ASIC2: variants seen among roughly 807,000 people sequenced by gnomAD.
ASIC2 encodes the protein acid-sensing ion channel 2.
ASIC2 carries 25 observed loss-of-function variants against 57.3 expected under a neutral mutation model. That is an observed-to-expected ratio of 0.44 (90% CI 0.32 to 0.61). The LOEUF is 0.61. Ranked by LOEUF, ASIC2 falls within the 20% of genes least tolerant of loss-of-function variation. ASIC2 has a pLI of 0.06. For synonymous variants in ASIC2, 319 were observed against 307.5 expected (o/e 1.04, Z -0.39); for missense variants, 641 against 738.1 (o/e 0.87, Z 1.52).
chr17:33,829,715 C>T (rs1913047475), intron 1 of ASIC2, among the ~76,000 whole-genome samples: 1 of 151,848 alleles, frequency 6.6e-6, no homozygotes. Context: ...GGATTACAGG[C>T]CACTGTGCCT....
At chr17:33,823,138 A>C (rs1163526964) in intron 1 of ASIC2, among the ~76,000 whole-genome samples, 1 of 152,160 alleles carries the variant, frequency 6.6e-6, no homozygotes, top group African/African-American at 2.4e-5. Flanking sequence ...CACCCTGTTC[A>C]GTAGTGGGGG....
intron 1 of ASIC2, among the ~76,000 whole-genome samples, chr17:33,977,176 C>T (rs565966992): frequency 6.6e-6 from 1 of 151,936 alleles, no homozygotes; most frequent in South Asian, 2.1e-4. Flanking sequence ...TCGTCAATTC[C>T]ACCGGGGGCA....
chr17:33,124,430 A>G (rs2092315601), intron 1 of ASIC2, among the ~76,000 whole-genome samples: 1 of 152,228 alleles, frequency 6.6e-6, no homozygotes, highest in Non-Finnish European at 1.5e-5. Flanking sequence ...ATTGATCACA[A>G]TGCTCTTTCC....
intron 1 of ASIC2, chr17:33,291,179 A>C: frequency 1.2e-6 from 1 of 865,974 alleles, no homozygotes; most frequent in Non-Finnish European, 1.6e-6. Flanking sequence ...AGGGGCTGGG[A>C]CAGGGGAGCT....
chr17:33,859,550 C>T (rs1914051533), intron 1 of ASIC2, among the ~76,000 whole-genome samples: 2 of 152,132 alleles, frequency 1.3e-5, no homozygotes, highest in Admixed American at 1.3e-4. Flanking sequence ...AGTGAGATCC[C>T]TGTTGGCTGG....
chr17:33,610,054 G>GCGCGCGCACACACACACACA (rs375575593), intron 1 of ASIC2, among the ~76,000 whole-genome samples: 2 of 144,734 alleles, frequency 1.4e-5, no homozygotes, highest in African/African-American at 5.2e-5. Flanking sequence ...GGACAGAGGC[G>GCGCGCGCACACACACACACA]CACACACACA....
chr17:33,684,837 C>T (rs1908130426), intron 1 of ASIC2, among the ~76,000 whole-genome samples: 2 of 151,882 alleles, frequency 1.3e-5, no homozygotes, highest in African/African-American at 4.8e-5. Context: ...CAAATTGGTC[C>T]CAGTCAAGAG....
Position 34,123,903 on chromosome 17 carries a change from C to T in ASIC2, c.555+32075G>A, listed in dbSNP as rs146727839. Reference sequence around the variant, plus strand: ...TTCAAGACTAGCCTGGGCAACATGGCGAAACCCCATCTCTACAAAAATACA... The same window carrying T: ...TTCAAGACTAGCCTGGGCAACATGGTGAAACCCCATCTCTACAAAAATACA... On this transcript the variant is annotated intron_variant, in intron 1 of 9. Coordinates refer to the ASIC2 transcript ENST00000359872. 9.1e-4 allele frequency among the ~76,000 whole-genome samples: 138 copies of T among 152,088 alleles called. 4 individuals are homozygous for T. Among genetic ancestry groups the T allele is most frequent in the African/African-American group, 3.2e-3 (134 of 41,494 alleles).
intron 1 of ASIC2, among the ~76,000 whole-genome samples, chr17:33,121,453 A>C (rs759892869): frequency 6.6e-6 from 1 of 151,986 alleles, no homozygotes; most frequent in Non-Finnish European, 1.5e-5. Flanking sequence ...CGGGGCATGG[A>C]GAAGTGTTGT....
intron 1 of ASIC2, among the ~76,000 whole-genome samples, chr17:33,749,352 G>A (rs79769614): frequency 0.026 from 3,978 of 151,808 alleles, 200 homozygotes; most frequent in African/African-American, 0.091. Flanking sequence ...GGAGGAGAGC[G>A]GCGAGGCGTT....
At chr17:33,358,091 G>A (rs943899232) in intron 1 of ASIC2, among the ~76,000 whole-genome samples, 3 of 152,212 alleles carry the variant, frequency 2.0e-5, no homozygotes, top group South Asian at 2.1e-4. Context: ...ACAGCCAAAT[G>A]TGGCTCGCCA....
At chr17:34,155,750 C>T in intron 1 of ASIC2, 2 of 534,166 alleles carry the variant, frequency 3.7e-6, no homozygotes, top group Non-Finnish European at 6.6e-6. Context: ...ACCGCAAGCC[C>T]CCCACTCACC....
At chr17:34,078,067 C>T (rs940931877) in intron 1 of ASIC2, among the ~76,000 whole-genome samples, 7 of 152,274 alleles carry the variant, frequency 4.6e-5, no homozygotes, top group East Asian at 1.9e-4. Context: ...CTGGCCTCTC[C>T]GTTTCACCAG....
At chr17:33,908,861 A>G (rs974642062) in intron 1 of ASIC2, among the ~76,000 whole-genome samples, 1 of 152,202 alleles carries the variant, frequency 6.6e-6, no homozygotes, top group Non-Finnish European at 1.5e-5. Flanking sequence ...TAGGTCTTCA[A>G]TTAATACTTA....
chr17:33,662,489 G>T (rs1224835654), intron 1 of ASIC2, among the ~76,000 whole-genome samples: 13 of 151,378 alleles, frequency 8.6e-5, no homozygotes, highest in Admixed American at 8.6e-4. Flanking sequence ...GGTGTGGTGG[G>T]GGGGGCACCT....
At chr17:33,662,486 TG>T (rs35180488) in intron 1 of ASIC2, among the ~76,000 whole-genome samples, 3,843 of 150,256 alleles carry the variant, frequency 0.026, 71 homozygotes, top group African/African-American at 0.054. Context: ...CCAGGTGTGG[TG>T]GGGGGGGCAC....
At chr17:33,963,541 C>G (rs12953126) in intron 1 of ASIC2, among the ~76,000 whole-genome samples, 2 of 152,018 alleles carry the variant, frequency 1.3e-5, no homozygotes, top group Non-Finnish European at 2.9e-5. Context: ...TGGACAGAAC[C>G]GAGAAGAAAG....
intron 2 of ASIC2, among the ~76,000 whole-genome samples, chr17:33,108,054 A>G (rs550011844): frequency 6.6e-5 from 10 of 152,134 alleles, no homozygotes; most frequent in Non-Finnish European, 1.5e-4. Flanking sequence ...TACAGTTTGC[A>G]GAGAACTCTC....
chr17:34,144,093 G>A (rs1341584367), intron 1 of ASIC2, among the ~76,000 whole-genome samples: 1 of 152,092 alleles, frequency 6.6e-6, no homozygotes, highest in African/African-American at 2.4e-5. Context: ...ATAAGTGACT[G>A]TAGGCCAATT....
Sources: allele counts gnomAD v4.1 joint callset (sites outside exome capture counted in the v4.1 genomes callset), GRCh38; gene constraint gnomAD v4.1.1; transcripts MANE v1.5; gene names NCBI Gene and HGNC (gene_info 2026-07-23, HGNC 2026-07-21).